Variants in ZDHHC8 observed in about 807,000 individuals in gnomAD.
ZDHHC8 encodes the protein palmitoyltransferase ZDHHC8.
Under a neutral mutation model 61.2 loss-of-function variants are expected in ZDHHC8, and 24 were observed. The ratio of observed to expected loss-of-function variants is 0.39; its 90% CI spans 0.28 to 0.55. The LOEUF (loss-of-function observed/expected upper bound fraction) is 0.55. ZDHHC8 is among the 20% of genes least tolerant of loss of function. The pLI is 0.60. For synonymous variants in ZDHHC8, 523 were observed against 492.5 expected, an observed-to-expected ratio of 1.06 and a Z score of -0.82; for missense variants, 935 against 1,102.1, an observed-to-expected ratio of 0.85 and a Z score of 2.15.
Position 20,143,220 on chromosome 22 carries a change from C to T in ZDHHC8, c.1590C>T (p.Gly530=). The stretch of plus-strand genomic sequence containing the variant: ...CCCGCAGCTTCAGCCCCGTGCTGGG[C>T]CCCCGCCCCCGGGAGCCCTCGCCTG... ...PLPRSFSPVL[G]PRPREPSPVR... is the part of the protein sequence containing the mutation. The change falls in exon 10 of 11, where the codon GGC becomes GGT. Residue 530 remains glycine, a synonymous_variant. Transcript: ENST00000334554. 1 of 1,607,518 alleles carries T rather than the reference C, an allele frequency of 6.2e-7. No homozygotes were observed.
At chr22:20,140,734 AGGGGGGCCTCTGCTGGGTGTGG>A (rs1568993426) in intron 6 of ZDHHC8, 26 bp downstream of exon 6, 2 of 1,603,388 alleles carry the variant, frequency 1.2e-6, no homozygotes, top group Non-Finnish European at 1.7e-6. Flanking sequence ...GGCAGGGTGG[AGGGGGGCCTCTGCTGGGTGTGG>A]GGCGGGCAGC....
At position 20,141,197 on chromosome 22, in the gene ZDHHC8, C is replaced by G. The variant is rs1602572302; in HGVS notation, c.895-20C>G. 1 of 1,605,332 alleles carries G rather than the reference C, an allele frequency of 6.2e-7. No individual in the cohort carries two copies. Among genetic ancestry groups the G allele is most frequent in the East Asian group, 2.2e-5 (1 of 44,834 alleles). On this transcript the variant is annotated intron_variant, in intron 7 of 10. Coordinates refer to ENST00000334554, the MANE Select transcript of ZDHHC8 (RefSeq NM_013373.4). ...CCCCTCATCCAAGCCCCACACACCA[C>G]TGACCCCGCTCCCTCCCAGTCCAAG...
chr22:20,139,962 G>A (rs910973023), intron 4 of ZDHHC8, 70 bp downstream of exon 4: 23 of 1,597,572 alleles, frequency 1.4e-5, no homozygotes, highest in Non-Finnish European at 2.0e-5. Flanking sequence ...CAGGGAGATT[G>A]AGCCTCAGAA....
rs202147960 is a variant in ZDHHC8, at chr22:20,140,202, C to T, written c.645C>T (p.Arg215=). ...GFHVVLVTRG[R]TTNEQVTGKF... is the part of the protein sequence containing the mutation. ...ATGTGGTGCTGGTCACTCGGGGGCG[C>T]ACCACCAACGAGCAGGTGCAGACCC... Residue 215 remains arginine (R), a synonymous_variant, in exon 5 of 11, where the codon CGC becomes CGT. Coordinates refer to ENST00000334554, the MANE Select transcript of ZDHHC8 (RefSeq NM_013373.4). The T allele has an allele frequency of 1.1e-5, 17 of 1,612,700 alleles. No individual in the cohort carries two copies. The highest frequency in any genetic ancestry group is 3.3e-5 in the Admixed American group (2 of 60,010).
intron 1 of ZDHHC8, among the ~76,000 whole-genome samples, chr22:20,134,580 C>T (rs868444016): frequency 1.3e-5 from 2 of 152,238 alleles, no homozygotes; most frequent in Non-Finnish European, 2.9e-5. Flanking sequence ...ACAGGGTTCC[C>T]GACTTCACTG....
At chr22:20,137,492 C>T (rs1024484060) in intron 1 of ZDHHC8, among the ~76,000 whole-genome samples, 3 of 152,214 alleles carry the variant, frequency 2.0e-5, no homozygotes, top group African/African-American at 7.2e-5. Flanking sequence ...TGGCACTCGC[C>T]GCATCCCTTC....
At chr22:20,141,867 T>C (rs1276589946) in intron 9 of ZDHHC8, among the ~76,000 whole-genome samples, 1 of 152,212 alleles carries the variant, frequency 6.6e-6, no homozygotes. Flanking sequence ...AGGAGCACTG[T>C]GTACCAGGAT....
chr22:20,136,035 C>T (rs539341579), intron 1 of ZDHHC8, among the ~76,000 whole-genome samples: 2 of 152,382 alleles, frequency 1.3e-5, no homozygotes, highest in East Asian at 1.9e-4. Context: ...GGCCTCAGCC[C>T]GGGTGGGGCC....
At chr22:20,136,316 C>G (rs2050419769) in intron 1 of ZDHHC8, among the ~76,000 whole-genome samples, 3 of 152,274 alleles carry the variant, frequency 2.0e-5, no homozygotes, top group Admixed American at 1.3e-4. Context: ...GCCTGCTAGG[C>G]CCTGCCTGTG....
At position 20,141,494 on chromosome 22, in the gene ZDHHC8, G is replaced by A. The variant is rs774002631; in HGVS notation, c.1089G>A (p.Thr363=). Residue 363 remains threonine (T), a synonymous_variant, in exon 9 of 11, where the codon ACG becomes ACA. Coordinates refer to ENST00000334554, the MANE Select transcript of ZDHHC8 (RefSeq NM_013373.4). ...ACAAGTTTAGGCCGGCTTTCCCCAC[G>A]GGTCCCAAGGTGCCCTTCTGTGGAC... The part of the protein sequence containing the change: ...AMYKFRPAFP[T]GPKVPFCGPG... The A allele has an allele frequency of 2.0e-5, 33 of 1,612,886 alleles. No homozygotes were observed. The highest frequency in any genetic ancestry group is 2.2e-5 in the South Asian group (2 of 91,014).
Position 20,132,000 on chromosome 22 carries a change from C to A in ZDHHC8, c.53C>A (p.Ala18Asp). The part of the protein sequence containing the change: ...RLKPAKYIPV[A>D]TAAALLVGSS... ...AAACCCGCCAAGTACATCCCGGTGG[C>A]CACGGCCGCCGCGCTGCTGGTCGGC... The change falls in exon 1 of 11, where the codon GCC (alanine) becomes GAC (aspartate). Residue 18 changes from alanine to aspartate, a missense_variant. By Grantham distance (126) the Ala-to-Asp change is moderately radical. This residue lies in a region of ZDHHC8 where 44 missense variants were observed against 36.6 expected (regional missense o/e 1.20). Coordinates refer to ENST00000334554, the MANE Select transcript of ZDHHC8 (RefSeq NM_013373.4). The A allele has an allele frequency of 1.4e-6, 2 of 1,385,110 alleles. No homozygotes were observed. Among genetic ancestry groups the A allele is most frequent in the Non-Finnish European group, 1.9e-6 (2 of 1,053,656 alleles). 85.8% of individuals were successfully genotyped at this position (1,385,110 alleles called of 1,614,324 possible). A position where few individuals can be genotyped will look rare whatever the true frequency, so the allele number is the denominator to read the frequency against.
Position 20,145,681 on chromosome 22 carries a change from C to A in ZDHHC8, c.*281C>A. The A allele has an allele frequency of 9.3e-7, 1 of 1,079,910 alleles. No individual in the cohort carries two copies. Among genetic ancestry groups the A allele is most frequent in the Non-Finnish European group, 1.1e-6 (1 of 890,626 alleles). 66.9% of individuals were successfully genotyped at this position (1,079,910 alleles called of 1,614,324 possible). A position where few individuals can be genotyped will look rare whatever the true frequency, so the allele number is the denominator to read the frequency against. ...GGCTGGGGCAGTGAGGGGGCCCAGT[C>A]AGCCTCTTTGGGGCACCCTCTCTCA... On this transcript the variant is annotated 3_prime_UTR_variant, in exon 11 of 11. Transcript: ENST00000334554.
At chr22:20,144,972 T>G (rs568022088) in intron 10 of ZDHHC8, among the ~76,000 whole-genome samples, 22 of 152,074 alleles carry the variant, frequency 1.4e-4, no homozygotes, top group Non-Finnish European at 2.4e-4. Flanking sequence ...ACCCAGGGAC[T>G]CGGGAGGGTG....
At chr22:20,140,306 C>A in intron 5 of ZDHHC8, 89 bp downstream of exon 5, 1 of 1,317,066 alleles carries the variant, frequency 7.6e-7, no homozygotes, top group East Asian at 2.5e-5. Flanking sequence ...GCACCCTTGC[C>A]TGAGGTAGCT....
At chr22:20,133,416 T>C (rs1458980024) in intron 1 of ZDHHC8, among the ~76,000 whole-genome samples, 2 of 152,190 alleles carry the variant, frequency 1.3e-5, no homozygotes, top group Non-Finnish European at 2.9e-5. Flanking sequence ...CAATTCAGTG[T>C]CCTTTCTCAT....
Position 20,141,277 on chromosome 22 carries a change from C to G in ZDHHC8, c.955C>G (p.Pro319Ala), listed in dbSNP as rs1306848751. ...ACTGGACTTGGGGCCACCACTGCCC[C>G]CCAAGATAGAGGCTGGCACGTTCAG... is the stretch of plus-strand genomic sequence containing the variant. ...KPLDLGPPLP[P>A]KIEAGTFSSD... The change falls in exon 8 of 11, where the codon CCC becomes GCC. Residue 319 changes from proline (P) to alanine (A), a missense_variant. Pro to Ala is a conservative substitution (Grantham distance 27). Around this residue, in one of 3 missense-constraint regions of ZDHHC8, gnomAD observed 692 missense variants for 731.4 expected, o/e 0.95. Coordinates refer to ENST00000334554, the MANE Select transcript of ZDHHC8 (RefSeq NM_013373.4). 6.2e-7 allele frequency: 1 copy of G among 1,612,790 alleles called. No individual in the cohort carries two copies. The highest frequency in any genetic ancestry group is 8.5e-7 in the Non-Finnish European group (1 of 1,179,962).
In ZDHHC8 at chr22:20,145,683, G is replaced by C; in HGVS notation, c.*283G>C. ...CTGGGGCAGTGAGGGGGCCCAGTCA[G>C]CCTCTTTGGGGCACCCTCTCTCAGC... On this transcript the variant is annotated 3_prime_UTR_variant, in exon 11 of 11. Transcript: ENST00000334554. 1 of 1,073,756 alleles carries C rather than the reference G, an allele frequency of 9.3e-7. No homozygotes were observed. The highest frequency in any genetic ancestry group is 1.1e-6 in the Non-Finnish European group (1 of 886,722). The allele number at this position is 1,073,756 out of a possible 1,614,324, so 66.5% of individuals were successfully genotyped here.
At chr22:20,134,547 G>A (rs530821795) in intron 1 of ZDHHC8, among the ~76,000 whole-genome samples, 10 of 152,304 alleles carry the variant, frequency 6.6e-5, no homozygotes, top group South Asian at 2.1e-4. Context: ...CTTGTGCCCC[G>A]AATCCCTGCC....
Position 20,146,569 on chromosome 22 carries a change from C to G in ZDHHC8, c.*1169C>G, listed in dbSNP as rs541075306. 1 of 993,250 alleles carries G rather than the reference C, an allele frequency of 1.0e-6. No individual in the cohort carries two copies. The highest frequency in any genetic ancestry group is 1.2e-6 in the Non-Finnish European group (1 of 835,676). 61.5% of individuals were successfully genotyped at this position (993,250 alleles called of 1,614,324 possible). On this transcript the variant is annotated 3_prime_UTR_variant, in exon 11 of 11. Transcript: ENST00000334554. ...TGGCTGCTGTCTGGTGTGCAGGGGT[C>G]GGTGGGTTCCTCAGGGGCATTTCTG...
Sources: gnomAD v4.1 joint callset for allele counts (sites outside exome capture counted in the v4.1 genomes callset) on GRCh38, gnomAD v4.1.1 for gene constraint, gnomAD v4.1.1 regional missense constraint, MANE v1.5 for transcripts, NCBI Gene and HGNC (gene_info 2026-07-23, HGNC 2026-07-21) for gene names.